The following CNKSR3 variants were observed in gnomAD, a reference collection of about 807,000 sequenced individuals.
CNKSR3 encodes the protein connector enhancer of kinase suppressor of ras 3.
Under a neutral mutation model 67.7 loss-of-function variants are expected in CNKSR3, and 36 were observed. The ratio of observed to expected loss-of-function variants is 0.53; its 90% CI spans 0.41 to 0.70. The LOEUF (loss-of-function observed/expected upper bound fraction) is 0.70, where lower values mean the gene tolerates loss of function less well. Among genes scored for constraint, CNKSR3 ranks in the 30% least tolerant of loss-of-function variants. CNKSR3 has a pLI of 0.00. For missense variants in CNKSR3, 630 were observed against 695.2 expected, an observed-to-expected ratio of 0.91 and a Z score of 1.05; for synonymous variants, 281 against 271.4, an observed-to-expected ratio of 1.04 and a Z score of -0.35.
intron 9 of CNKSR3, among the ~76,000 whole-genome samples, chr6:154,417,798 A>C (rs1304317956): frequency 6.6e-6 from 1 of 152,186 alleles, no homozygotes; most frequent in Non-Finnish European, 1.5e-5. Context: ...GAGGGTCCTC[A>C]GAATGAAGCC....
At chr6:154,502,659 C>G (rs1787022769) in intron 1 of CNKSR3, among the ~76,000 whole-genome samples, 2 of 152,206 alleles carry the variant, frequency 1.3e-5, no homozygotes, top group South Asian at 4.1e-4. Flanking sequence ...CTCCTCCATG[C>G]TGCTCATCTG....
Position 154,388,058 on chromosome 6 carries a change from G to A in CNKSR3, c.*18296C>T, listed in dbSNP as rs777063031. On this transcript the variant is annotated 3_prime_UTR_variant, in exon 13 of 13. Coordinates refer to ENST00000607772, the MANE Select transcript of CNKSR3 (RefSeq NM_173515.4). ...AAGGTGAGATCTATCTTAACAAATT[G>A]TTCAGTGTACACTGCAGTATTGTTG... 7 of 147,760 alleles carry A rather than the reference G, an allele frequency of 4.7e-5. No homozygotes were observed. Among genetic ancestry groups the A allele is most frequent in the Admixed American group, 4.1e-4 (6 of 14,810 alleles). 9.2% of individuals were successfully genotyped at this position (147,760 alleles called of 1,614,324 possible). A position where few individuals can be genotyped will look rare whatever the true frequency, so the allele number is the denominator to read the frequency against.
Position 154,406,190 on chromosome 6 carries a change from A to G in CNKSR3, c.*164T>C. 1 of 661,926 alleles carries G rather than the reference A, an allele frequency of 1.5e-6. No individual in the cohort carries two copies. Among genetic ancestry groups the G allele is most frequent in the Non-Finnish European group, 2.5e-6 (1 of 392,626 alleles). 41.0% of individuals were successfully genotyped at this position (661,926 alleles called of 1,614,324 possible). On this transcript the variant is annotated 3_prime_UTR_variant, in exon 13 of 13. Transcript: ENST00000607772. Reference sequence around the variant, plus strand: ...AGATCCTCTGAATTTGTTCCCATCCAATCCTGCAAACTTCCAAGAAGGGCA... The same window carrying G: ...AGATCCTCTGAATTTGTTCCCATCCGATCCTGCAAACTTCCAAGAAGGGCA...
At chr6:154,448,434 CAAAA>C (rs56872694) in intron 2 of CNKSR3, among the ~76,000 whole-genome samples, 2 of 121,760 alleles carry the variant, frequency 1.6e-5, no homozygotes, top group Non-Finnish European at 3.3e-5. Context: ...CACGTTTGTA[CAAAA>C]AAAAAAAAAA....
At chr6:154,484,444 G>A (rs547814197) in intron 1 of CNKSR3, among the ~76,000 whole-genome samples, 7 of 152,230 alleles carry the variant, frequency 4.6e-5, no homozygotes, top group Non-Finnish European at 1.0e-4. Context: ...AGTGGCTCAC[G>A]CCTGTAATCC....
At chr6:154,420,521 C>A (rs1785119472) in intron 9 of CNKSR3, among the ~76,000 whole-genome samples, 2 of 151,310 alleles carry the variant, frequency 1.3e-5, no homozygotes, top group African/African-American at 4.9e-5. Context: ...AACCCCGTCT[C>A]TACTAAAAAT....
chr6:154,506,163 A>G (rs1321829478), intron 1 of CNKSR3, among the ~76,000 whole-genome samples: 1 of 152,108 alleles, frequency 6.6e-6, no homozygotes, highest in Non-Finnish European at 1.5e-5. Context: ...CTGCCTACCA[A>G]TATCTATTCT....
chr6:154,482,916 T>C (rs907454642), intron 1 of CNKSR3, among the ~76,000 whole-genome samples: 2 of 152,194 alleles, frequency 1.3e-5, no homozygotes, highest in African/African-American at 4.8e-5. Context: ...TTTCCACTAA[T>C]ATTCCTGTGA....
chr6:154,468,058 G>GC (rs978629562), intron 1 of CNKSR3, among the ~76,000 whole-genome samples: 24 of 126,408 alleles, frequency 1.9e-4, no homozygotes, highest in Middle Eastern at 9.7e-3. Flanking sequence ...CCACGCCTAG[G>GC]CTTTTTTTTT....
chr6:154,413,810 C>T (rs531920061), intron 10 of CNKSR3, among the ~76,000 whole-genome samples: 2 of 152,174 alleles, frequency 1.3e-5, no homozygotes, highest in South Asian at 4.2e-4. Flanking sequence ...TGCAATGGCA[C>T]AAACTCTGCT....
rs746876241 is a variant in CNKSR3, at chr6:154,414,427, A to C, written c.946-4T>G. 1.3e-6 allele frequency: 2 copies of C among 1,582,132 alleles called. No individual in the cohort carries two copies. Among genetic ancestry groups the C allele is most frequent in the Non-Finnish European group, 1.7e-6 (2 of 1,167,582 alleles). On this transcript the variant is annotated splice_region_variant and splice_polypyrimidine_tract_variant and intron_variant, in intron 9 of 12. Transcript: ENST00000607772. Reference sequence around the variant, plus strand: ...TTGTCGCGGGTGGAGGTGAGGTCTGAAACAGGAGTAACACAGCAATGCAAA... The same window carrying C: ...TTGTCGCGGGTGGAGGTGAGGTCTGCAACAGGAGTAACACAGCAATGCAAA...
chr6:154,411,008 G>A lies in CNKSR3; in HGVS notation c.1205C>T (p.Ser402Leu), dbSNP rs780484118. ...CACCGAGTACCCAGGCAACTGATCCGAGTCTGCAATGGTGAATCTTCGTCT... is the reference window on the plus strand; with the variant it reads ...CACCGAGTACCCAGGCAACTGATCCAAGTCTGCAATGGTGAATCTTCGTCT... ...SRRRRFTIAD[S>L]DQLPGYSVET... The change falls in exon 11 of 13, where the codon TCG becomes TTG. Residue 402 changes from serine to leucine, a missense_variant. By Grantham distance (145) the Ser-to-Leu change is moderately radical. Transcript: ENST00000607772. 3.7e-6 allele frequency: 6 copies of A among 1,614,074 alleles called. No individual in the cohort carries two copies. Among genetic ancestry groups the A allele is most frequent in the Middle Eastern group, 1.6e-4 (1 of 6,062 alleles).
At chr6:154,503,573 T>C (rs1164740617) in intron 1 of CNKSR3, among the ~76,000 whole-genome samples, 1 of 150,008 alleles carries the variant, frequency 6.7e-6, no homozygotes, top group Non-Finnish European at 1.5e-5. Flanking sequence ...AGTTTGAGGC[T>C]AAAATGAGCT....
At chr6:154,472,685 T>A (rs1786356594) in intron 1 of CNKSR3, among the ~76,000 whole-genome samples, 2 of 152,102 alleles carry the variant, frequency 1.3e-5, no homozygotes, top group Admixed American at 1.3e-4. Flanking sequence ...GAGGAGATAT[T>A]CAAGAATTAT....
At chr6:154,466,808 T>G (rs942392716) in intron 1 of CNKSR3, among the ~76,000 whole-genome samples, 1 of 142,156 alleles carries the variant, frequency 7.0e-6, no homozygotes, top group Non-Finnish European at 1.5e-5. Flanking sequence ...TTTTTTTTTA[T>G]AGAGACAGGG....
chr6:154,455,614 G>T (rs1785936645), intron 1 of CNKSR3, among the ~76,000 whole-genome samples: 1 of 151,944 alleles, frequency 6.6e-6, no homozygotes, highest in Non-Finnish European at 1.5e-5. Context: ...TAGAGACAGG[G>T]TTTCACCATG....
intron 1 of CNKSR3, among the ~76,000 whole-genome samples, chr6:154,479,872 A>G (rs1300703359): frequency 3.8e-4 from 58 of 152,182 alleles, no homozygotes; most frequent in Admixed American, 3.8e-3. Flanking sequence ...ACTTACTGTA[A>G]CTGTACACTG....
chr6:154,470,866 C>T (rs971719469), intron 1 of CNKSR3, among the ~76,000 whole-genome samples: 1 of 152,182 alleles, frequency 6.6e-6, no homozygotes, highest in Non-Finnish European at 1.5e-5. Context: ...AAACTGTTTC[C>T]CAGAGGAGCT....
intron 1 of CNKSR3, among the ~76,000 whole-genome samples, chr6:154,451,954 C>T (rs1785843937): frequency 1.3e-5 from 2 of 152,144 alleles, no homozygotes; most frequent in South Asian, 2.1e-4. Context: ...CTTCGTGGCA[C>T]GCGAGTCAGG....
Sources: gnomAD v4.1 joint callset for allele counts (sites outside exome capture counted in the v4.1 genomes callset) on GRCh38, gnomAD v4.1.1 for gene constraint, MANE v1.5 for transcripts, NCBI Gene and HGNC (gene_info 2026-07-23, HGNC 2026-07-21) for gene names.